The following TBC1D14 variants were observed in gnomAD, a reference collection of about 807,000 sequenced individuals.
TBC1D14 encodes the protein TBC1 domain family, member 14.
In TBC1D14, 26 loss-of-function variants were observed where a neutral mutation model predicts 79.0. That is an observed-to-expected ratio of 0.33 (90% CI 0.24 to 0.46). The LOEUF is 0.46. Among genes scored for constraint, TBC1D14 ranks in the 20% least tolerant of loss-of-function variants. The probability of loss-of-function intolerance (pLI) is 1.00; values close to 1 mark genes in which losing one functional copy is unlikely to be tolerated. For synonymous variants in TBC1D14, 394 were observed against 349.9 expected, an observed-to-expected ratio of 1.13 and a Z score of -1.40; for missense variants, 769 against 887.6, an observed-to-expected ratio of 0.87 and a Z score of 1.70.
chr4:6,942,625 C>T (rs1372630097), intron 2 of TBC1D14, among the ~76,000 whole-genome samples: 2 of 152,162 alleles, frequency 1.3e-5, no homozygotes, highest in Non-Finnish European at 2.9e-5. Flanking sequence ...GCTCTGACCT[C>T]CTTTTAGGTT....
At chr4:6,967,044 C>T (rs200046248) in intron 2 of TBC1D14, among the ~76,000 whole-genome samples, 3 of 152,136 alleles carry the variant, frequency 2.0e-5, no homozygotes, top group Non-Finnish European at 2.9e-5. Flanking sequence ...CTCCTGACCT[C>T]GTGATCTGCC....
chr4:7,024,658 C>T (rs1722161870), intron 12 of TBC1D14, among the ~76,000 whole-genome samples: 2 of 152,222 alleles, frequency 1.3e-5, no homozygotes, highest in Admixed American at 6.5e-5. Flanking sequence ...CTACCGTACG[C>T]TTGCTCTGTG....
At chr4:6,919,123 T>C (rs544731653) in intron 1 of TBC1D14, among the ~76,000 whole-genome samples, 1 of 152,252 alleles carries the variant, frequency 6.6e-6, no homozygotes, top group South Asian at 2.1e-4. Flanking sequence ...AGAAACATTT[T>C]ATTTTTTGCA....
chr4:7,009,061 T>A (rs752774630), intron 9 of TBC1D14, among the ~76,000 whole-genome samples: 54 of 152,220 alleles, frequency 3.5e-4, no homozygotes, highest in Non-Finnish European at 6.9e-4. Context: ...AATATGATGG[T>A]CTGGGCCATG....
At chr4:6,987,124 C>A in intron 3 of TBC1D14, 1 of 1,191,438 alleles carries the variant, frequency 8.4e-7, no homozygotes, top group Non-Finnish European at 1.0e-6. Flanking sequence ...GCCCCGCCCC[C>A]TTGGGAGTCT....
chr4:6,938,024 AT>A (rs761688472), intron 2 of TBC1D14, among the ~76,000 whole-genome samples: 41 of 152,012 alleles, frequency 2.7e-4, no homozygotes, highest in Admixed American at 2.0e-4. Flanking sequence ...GGAGGTCTTC[AT>A]TCCACTCCTC....
chr4:7,021,947 G>A (rs543578772), intron 12 of TBC1D14, among the ~76,000 whole-genome samples: 2 of 152,340 alleles, frequency 1.3e-5, no homozygotes, highest in East Asian at 1.9e-4. Flanking sequence ...TGTTCCGACC[G>A]GTTCTGATCC....
chr4:6,972,449 G>T (rs1451339504), intron 3 of TBC1D14, among the ~76,000 whole-genome samples: 1 of 152,128 alleles, frequency 6.6e-6, no homozygotes, highest in Admixed American at 6.5e-5. Context: ...TGACTTTCTT[G>T]CCTCGGCTTC....
chr4:6,990,465 C>T (rs1305443850), intron 3 of TBC1D14, among the ~76,000 whole-genome samples: 2 of 152,118 alleles, frequency 1.3e-5, no homozygotes, highest in African/African-American at 4.8e-5. Context: ...TAAATAAATT[C>T]CCTTTAGGGT....
intron 11 of TBC1D14, among the ~76,000 whole-genome samples, chr4:7,013,568 T>G (rs1453358364): frequency 6.6e-6 from 1 of 152,230 alleles, no homozygotes; most frequent in Non-Finnish European, 1.5e-5. Context: ...GCAAGTTCCA[T>G]AAACTACGGG....
intron 7 of TBC1D14, among the ~76,000 whole-genome samples, chr4:7,002,833 C>T (rs1169971824): frequency 1.3e-5 from 2 of 152,174 alleles, no homozygotes; most frequent in Admixed American, 6.5e-5. Context: ...TACCAAGCAT[C>T]ATATTAGGTT....
chr4:6,946,377 G>T (rs1713463849), intron 2 of TBC1D14, among the ~76,000 whole-genome samples: 1 of 152,092 alleles, frequency 6.6e-6, no homozygotes, highest in Non-Finnish European at 1.5e-5. Context: ...CTGTCACCCA[G>T]GCTGGAGTGC....
intron 2 of TBC1D14, among the ~76,000 whole-genome samples, chr4:6,926,384 T>C (rs145361782): frequency 0.011 from 1,671 of 152,340 alleles, 15 homozygotes; most frequent in Middle Eastern, 0.034. Flanking sequence ...TCTCTTCCCC[T>C]TTGAAAGGAA....
intron 2 of TBC1D14, among the ~76,000 whole-genome samples, chr4:6,940,034 T>C (rs368885214): frequency 2.6e-5 from 4 of 152,140 alleles, no homozygotes; most frequent in Admixed American, 2.0e-4. Context: ...CTCAGCAGAG[T>C]CATCCCTTTT....
At chr4:6,987,295 C>T (rs1717959855) in intron 3 of TBC1D14, 2 of 1,359,586 alleles carry the variant, frequency 1.5e-6, no homozygotes, top group East Asian at 3.1e-5. Context: ...GCCGGCCCTC[C>T]GCTCGCTGGG....
chr4:6,932,009 T>C (rs2108948066), intron 2 of TBC1D14, among the ~76,000 whole-genome samples: 1 of 151,630 alleles, frequency 6.6e-6, no homozygotes, highest in South Asian at 2.1e-4. Context: ...AGAAGACAAG[T>C]TACACAATGA....
At chr4:6,997,574 C>T (rs112100953) in intron 5 of TBC1D14, among the ~76,000 whole-genome samples, 10,204 of 151,936 alleles carry the variant, frequency 0.067, 422 homozygotes, top group African/African-American at 0.11. Flanking sequence ...TGCAGTGAGC[C>T]GAGATCGTGC....
chr4:6,938,765 G>A (rs1400633768), intron 2 of TBC1D14, among the ~76,000 whole-genome samples: 1 of 152,218 alleles, frequency 6.6e-6, no homozygotes, highest in African/African-American at 2.4e-5. Context: ...TCACCCAGGG[G>A]GCACAGGAGA....
chr4:7,019,583 G>T (rs1560359067), intron 12 of TBC1D14, among the ~76,000 whole-genome samples: 1 of 152,128 alleles, frequency 6.6e-6, no homozygotes, highest in Non-Finnish European at 1.5e-5. Context: ...TGCATCGTTG[G>T]CACACCCTGG....
Sources: allele counts gnomAD v4.1 joint callset (sites outside exome capture counted in the v4.1 genomes callset), GRCh38; gene constraint gnomAD v4.1.1; transcripts MANE v1.5; gene names NCBI Gene and HGNC (gene_info 2026-07-23, HGNC 2026-07-21).